Variants in FBXO22 observed in about 807,000 individuals in gnomAD.
FBXO22 encodes F-box protein 22.
Under a neutral mutation model 37.2 loss-of-function variants are expected in FBXO22, and 13 were observed. The ratio of observed to expected loss-of-function variants is 0.35; its 90% CI spans 0.23 to 0.56. The LOEUF is 0.56. Ranked by LOEUF, FBXO22 falls within the 20% of genes least tolerant of loss-of-function variation. The pLI is 0.87. For missense variants in FBXO22, 446 were observed against 509.9 expected, an observed-to-expected ratio of 0.87 and a Z score of 1.21; for synonymous variants, 189 against 189.1, an observed-to-expected ratio of 1.00 and a Z score of 0.00.
At chr15:75,911,662 G>C (rs959476608) in intron 2 of FBXO22, among the ~76,000 whole-genome samples, 1 of 151,984 alleles carries the variant, frequency 6.6e-6, no homozygotes, top group Non-Finnish European at 1.5e-5. Flanking sequence ...AGGAGATTTT[G>C]GGCTGAGATG....
Position 75,932,915 on chromosome 15 carries a change from C to T in FBXO22, c.1025C>T (p.Ala342Val), listed in dbSNP as rs745564407. The change falls in exon 7 of 7, where the codon GCT becomes GTT. Residue 342 changes from alanine to valine, a missense_variant. Ala to Val is a moderately conservative substitution (Grantham distance 64). Around this residue, in one of 2 missense-constraint regions of FBXO22, gnomAD observed 315 missense variants for 410.1 expected, o/e 0.77. Transcript: ENST00000308275. ...TACAGAGCCAAGGGGAATGTTGAGG[C>T]TGATGCATTTAGAAAGTTTTTTCCT... ...QYYRAKGNVEADAFRKFFPSV... is the reference protein window; with the variant it reads ...QYYRAKGNVEVDAFRKFFPSV... 1.2e-6 allele frequency: 2 copies of T among 1,614,230 alleles called. No individual in the cohort carries two copies. Among genetic ancestry groups the T allele is most frequent in the South Asian group, 2.2e-5 (2 of 91,090 alleles).
rs2031061153 is a variant in FBXO22, at chr15:75,942,209, A to G, written c.*9107A>G. ...TAGAGATTTTTAGGGTGGTGAAACT[A>G]CTGTATACAATACTATAATAGTGGA... On this transcript the variant is annotated 3_prime_UTR_variant, in exon 7 of 7. Transcript: ENST00000308275. 6.6e-6 allele frequency: 1 copy of G among 152,062 alleles called. No individual in the cohort carries two copies. Among genetic ancestry groups the G allele is most frequent in the Non-Finnish European group, 1.5e-5 (1 of 68,016 alleles). The allele number at this position is 152,062 out of a possible 1,614,324, so 9.4% of individuals were successfully genotyped here.
At chr15:75,904,276 G>C in intron 1 of FBXO22, 173 bp downstream of exon 1, 1 of 1,118,998 alleles carries the variant, frequency 8.9e-7, no homozygotes, top group Admixed American at 2.9e-5. Flanking sequence ...GTGGTGCCCC[G>C]GGGGGACTTC....
intron 4 of FBXO22, among the ~76,000 whole-genome samples, chr15:75,914,440 G>A (rs976222174): frequency 6.6e-6 from 1 of 152,114 alleles, no homozygotes; most frequent in Non-Finnish European, 1.5e-5. Context: ...CATAAGAGGG[G>A]AATGATCTCA....
Position 75,917,242 on chromosome 15 carries a change from G to C in FBXO22, c.476G>C (p.Gly159Ala). 2 of 1,611,522 alleles carry C rather than the reference G, an allele frequency of 1.2e-6. No homozygotes were observed. The highest frequency in any genetic ancestry group is 1.7e-6 in the Non-Finnish European group (2 of 1,179,180). Reference sequence around the variant, plus strand: ...ACTTTTTCTCTAGTGACTCCAATGGGATCAGGTAGCAATCGACCTCAGGAA... The same window carrying C: ...ACTTTTTCTCTAGTGACTCCAATGGCATCAGGTAGCAATCGACCTCAGGAA... ...VTPGIVVTPM[G>A]SGSNRPQEIE... is the part of the protein sequence containing the mutation. The change falls in exon 5 of 7, where the codon GGA becomes GCA. Residue 159 changes from glycine (G) to alanine (A), a missense_variant. Transcript: ENST00000308275.
chr15:75,923,786 C>T lies in FBXO22; in HGVS notation c.629-6098C>T, dbSNP rs1307936305. 3.9e-5 allele frequency among the ~76,000 whole-genome samples: 6 copies of T among 151,904 alleles called. No homozygotes were observed. In the South Asian group the frequency reaches 1.2e-3, roughly 32 times the overall value. On this transcript the variant is annotated intron_variant, in intron 5 of 6. Transcript: ENST00000308275. ...AATAATTTTTTTTAAAAAGTATATG[C>T]AGGAGACACAGACTGTTGTAGTGGT...
In FBXO22 at chr15:75,914,206, G is replaced by GT; in HGVS notation, c.463+2dup. On this transcript the variant is annotated splice_donor_variant, in intron 4 of 6. Coordinates refer to ENST00000308275, the MANE Select transcript of FBXO22 (RefSeq NM_147188.3). LOFTEE classifies it high-confidence loss of function. ...GGGATTGTGACCCCAGGAATTGTAG[G>GT]TGAGATAAATTAGCAACTTGATGAT... The GT allele has an allele frequency of 6.2e-7, 1 of 1,608,148 alleles. No homozygotes were observed. Among genetic ancestry groups the GT allele is most frequent in the South Asian group, 1.1e-5 (1 of 90,118 alleles).
chr15:75,930,588 G>C (rs1456387318), intron 6 of FBXO22: 2 of 985,454 alleles, frequency 2.0e-6, no homozygotes, highest in Non-Finnish European at 2.4e-6. Context: ...GCTTTTTCAA[G>C]CTTAAAAATT....
At chr15:75,912,048 A>G (rs982344320) in intron 2 of FBXO22, among the ~76,000 whole-genome samples, 1 of 151,612 alleles carries the variant, frequency 6.6e-6, no homozygotes, top group Admixed American at 6.6e-5. Context: ...GGTTCTGTTT[A>G]TATGATGTAT....
Position 75,904,611 on chromosome 15 carries a change from G to A in FBXO22, c.261G>A (p.Val87=). 2 of 1,609,556 alleles carry A rather than the reference G, an allele frequency of 1.2e-6. No individual in the cohort carries two copies. Among genetic ancestry groups the A allele is most frequent in the Non-Finnish European group, 1.7e-6 (2 of 1,177,168 alleles). ...GHLEGHCLVR[V]VAEELENVRI... ...TGGAGGGGCATTGCTTGGTTCGCGT[G>A]GTAGCAGAGGAGCTTGAGGCAAGTA... The change falls in exon 2 of 7, where the codon GTG becomes GTA. Residue 87 remains valine (V), a synonymous_variant. Coordinates refer to ENST00000308275, the MANE Select transcript of FBXO22 (RefSeq NM_147188.3).
rs975441757 is a variant in FBXO22 at position 75,938,035 on chromosome 15, A to G, written c.*4933A>G. 2.6e-5 allele frequency: 4 copies of G among 152,264 alleles called. No individual in the cohort carries two copies. Among genetic ancestry groups the G allele is most frequent in the Admixed American group, 1.3e-4 (2 of 15,284 alleles). The allele number at this position is 152,264 out of a possible 1,614,324, so 9.4% of individuals were successfully genotyped here. Reference sequence around the variant, plus strand: ...GGAAAACACTTGCCCGGAAAGTTCTAAGACCCAAGCTTTCACCTTGGTCTG... The same window carrying G: ...GGAAAACACTTGCCCGGAAAGTTCTGAGACCCAAGCTTTCACCTTGGTCTG... On this transcript the variant is annotated 3_prime_UTR_variant, in exon 7 of 7. Transcript: ENST00000308275.
chr15:75,930,614 T>TA, intron 6 of FBXO22: 1 of 985,616 alleles, frequency 1.0e-6, no homozygotes. Context: ...TCTTTTTTGT[T>TA]ACTAAGGCTT....
chr15:75,906,625 G>C (rs1462182432), intron 2 of FBXO22, among the ~76,000 whole-genome samples: 1 of 152,004 alleles, frequency 6.6e-6, no homozygotes, highest in Admixed American at 6.6e-5. Context: ...CCAATCTTCT[G>C]TTTCCCCCTT....
rs1459295016 is a variant in FBXO22, at chr15:75,938,197, G to A, written c.*5095G>A. The A allele has an allele frequency of 2.6e-5, 4 of 152,148 alleles. No individual in the cohort carries two copies. Among genetic ancestry groups the A allele is most frequent in the African/African-American group, 9.7e-5 (4 of 41,432 alleles). The allele number at this position is 152,148 out of a possible 1,614,324, so 9.4% of individuals were successfully genotyped here. On this transcript the variant is annotated 3_prime_UTR_variant, in exon 7 of 7. Coordinates refer to ENST00000308275, the MANE Select transcript of FBXO22 (RefSeq NM_147188.3). ...AGCTGAACGTGACATAAAAGGAAGA[G>A]AGACTTCAGTGATCACACACAGAAG...
chr15:75,913,676 A>C (rs74024022), intron 3 of FBXO22, among the ~76,000 whole-genome samples: 6,013 of 152,218 alleles, frequency 0.04, 213 homozygotes, highest in African/African-American at 0.094. Context: ...CTGAGGGAAA[A>C]GGCAGAATGG....
At chr15:75,911,169 T>C (rs1158439931) in intron 2 of FBXO22, among the ~76,000 whole-genome samples, 1 of 152,198 alleles carries the variant, frequency 6.6e-6, no homozygotes, top group Non-Finnish European at 1.5e-5. Flanking sequence ...TACTGTAGCC[T>C]TGTAGTATAG....
At chr15:75,921,246 G>T (rs1465603316) in intron 5 of FBXO22, among the ~76,000 whole-genome samples, 1 of 152,218 alleles carries the variant, frequency 6.6e-6, no homozygotes, top group Non-Finnish European at 1.5e-5. Context: ...AATGGGACTT[G>T]CAAGACTAGA....
At chr15:75,911,085 G>A (rs1473789039) in intron 2 of FBXO22, among the ~76,000 whole-genome samples, 3 of 152,176 alleles carry the variant, frequency 2.0e-5, no homozygotes, top group Admixed American at 2.0e-4. Flanking sequence ...GATGTGTGGT[G>A]TTATTTCTGA....
chr15:75,917,402 A>G lies in FBXO22; in HGVS notation c.628+8A>G, dbSNP rs370355890. The G allele has an allele frequency of 1.9e-6, 3 of 1,548,624 alleles. No individual in the cohort carries two copies. Among genetic ancestry groups the G allele is most frequent in the Non-Finnish European group, 2.6e-6 (3 of 1,137,818 alleles). ...ATCAACTCACTGAAGTAGGTAAGTT[A>G]CTTTTATTTATCATTAACTGCTCAT... On this transcript the variant is annotated splice_region_variant and intron_variant, in intron 5 of 6. Transcript: ENST00000308275.
Sources: allele counts gnomAD v4.1 joint callset (sites outside exome capture counted in the v4.1 genomes callset), GRCh38; gene constraint gnomAD v4.1.1; regional missense constraint gnomAD v4.1.1; transcripts MANE v1.5; gene names NCBI Gene and HGNC (gene_info 2026-07-23, HGNC 2026-07-21).